The following SYNPO2 variants were observed in gnomAD, a reference collection of about 807,000 sequenced individuals.
The protein encoded by SYNPO2 is synaptopodin 2.
SYNPO2 carries 56 observed loss-of-function variants against 85.0 expected under a neutral mutation model. The ratio of observed to expected loss-of-function variants is 0.66; its 90% confidence interval spans 0.53 to 0.82. The LOEUF (loss-of-function observed/expected upper bound fraction) is 0.82, where lower values mean the gene tolerates loss of function less well. Among genes scored for constraint, SYNPO2 ranks in the 40% least tolerant of loss-of-function variants. The probability of loss-of-function intolerance (pLI) is 0.00; values close to 1 mark genes in which losing one functional copy is unlikely to be tolerated. For synonymous variants in SYNPO2, 602 were observed against 591.1 expected (o/e 1.02, Z -0.27); for missense variants, 1,575 against 1,534.2 (o/e 1.03, Z -0.44).
chr4:118,986,629 GGATTTAGTCTAT>G (rs1322707879), intron 1 of SYNPO2, among the ~76,000 whole-genome samples: 1 of 152,110 alleles, frequency 6.6e-6, no homozygotes, highest in Non-Finnish European at 1.5e-5. Flanking sequence ...ATCTAGTCTA[GGATTTAGTCTAT>G]GATTTAGACT....
chr4:118,948,642 G>C (rs561460337), intron 1 of SYNPO2, among the ~76,000 whole-genome samples: 3 of 152,068 alleles, frequency 2.0e-5, no homozygotes, highest in Non-Finnish European at 4.4e-5. Flanking sequence ...AGGGGAGCAG[G>C]CATCAATTGC....
intron 1 of SYNPO2, among the ~76,000 whole-genome samples, chr4:118,981,714 G>A (rs972268406): frequency 2.0e-5 from 3 of 152,172 alleles, no homozygotes; most frequent in African/African-American, 7.2e-5. Flanking sequence ...CAGGTAGCCA[G>A]TTACTTGGTA....
At chr4:118,921,606 A>T (rs140523249) in intron 1 of SYNPO2, among the ~76,000 whole-genome samples, 4 of 152,250 alleles carry the variant, frequency 2.6e-5, no homozygotes, top group South Asian at 2.1e-4. Context: ...GATAATAATT[A>T]AAAAACCCTT....
chr4:118,940,472 CT>C (rs1441373543), intron 1 of SYNPO2, among the ~76,000 whole-genome samples: 3 of 145,446 alleles, frequency 2.1e-5, no homozygotes, highest in Non-Finnish European at 4.5e-5. Flanking sequence ...TGCCTTACAA[CT>C]TGTGAAAGCA....
intron 1 of SYNPO2, among the ~76,000 whole-genome samples, chr4:118,893,356 T>C (rs923026301): frequency 6.6e-6 from 1 of 152,214 alleles, no homozygotes; most frequent in Admixed American, 6.5e-5. Context: ...GTAGCTTACA[T>C]GTGTCAAGCC....
chr4:118,996,599 C>G (rs1167654193), intron 1 of SYNPO2, among the ~76,000 whole-genome samples: 1 of 151,914 alleles, frequency 6.6e-6, no homozygotes, highest in Non-Finnish European at 1.5e-5. Flanking sequence ...TGCTCACGCC[C>G]GTAATCCCAG....
intron 1 of SYNPO2, among the ~76,000 whole-genome samples, chr4:118,950,754 A>C (rs1483511047): frequency 6.6e-6 from 1 of 152,216 alleles, no homozygotes; most frequent in Non-Finnish European, 1.5e-5. Context: ...TTGGTTAGTG[A>C]GGTCCCACAT....
chr4:118,957,306 A>C (rs1002574321), intron 1 of SYNPO2, among the ~76,000 whole-genome samples: 6 of 152,160 alleles, frequency 3.9e-5, no homozygotes, highest in African/African-American at 1.4e-4. Context: ...TTAAGAGAAG[A>C]GGTAGACTGG....
At chr4:119,017,337 G>A (rs1737559772) in intron 1 of SYNPO2, among the ~76,000 whole-genome samples, 1 of 152,032 alleles carries the variant, frequency 6.6e-6, no homozygotes, top group African/African-American at 2.4e-5. Context: ...ATCTTGCTCT[G>A]CCTCCTCTGA....
At chr4:118,906,130 A>C (rs1002644728) in intron 1 of SYNPO2, among the ~76,000 whole-genome samples, 1 of 152,208 alleles carries the variant, frequency 6.6e-6, no homozygotes, top group Admixed American at 6.5e-5. Flanking sequence ...TTGTTGAATA[A>C]ATGAATGAAT....
At chr4:118,911,016 A>C (rs373667058) in intron 1 of SYNPO2, among the ~76,000 whole-genome samples, 27 of 152,246 alleles carry the variant, frequency 1.8e-4, no homozygotes, top group African/African-American at 6.3e-4. Context: ...ACTTTTCCCC[A>C]TAGAAAATGG....
chr4:118,870,019 T>G (rs1422691242), intron 1 of SYNPO2, among the ~76,000 whole-genome samples: 1 of 152,208 alleles, frequency 6.6e-6, no homozygotes, highest in Non-Finnish European at 1.5e-5. Context: ...GGTGTGAGCA[T>G]TGACTTTCCT....
chr4:118,855,731 G>A (rs114916728), intron 1 of SYNPO2, among the ~76,000 whole-genome samples: 6,266 of 152,198 alleles, frequency 0.041, 198 homozygotes, highest in Non-Finnish European at 0.064. Context: ...GAAACTGATT[G>A]AAGTAGGTGA....
At chr4:118,976,329 G>C (rs985605978) in intron 1 of SYNPO2, among the ~76,000 whole-genome samples, 1 of 152,112 alleles carries the variant, frequency 6.6e-6, no homozygotes, top group Non-Finnish European at 1.5e-5. Flanking sequence ...CGCTGGGCTC[G>C]TGGTCTCAAG....
At chr4:118,884,976 C>T (rs75576380), upstream of SYNPO2, among the ~76,000 whole-genome samples, 171 of 152,268 alleles carry the variant, frequency 1.1e-3, no homozygotes, top group African/African-American at 3.7e-3. Context: ...CCAGGAAGGT[C>T]GGGAAAGTCC....
At chr4:119,050,608 G>C (rs961535818) in intron 4 of SYNPO2, among the ~76,000 whole-genome samples, 1 of 152,096 alleles carries the variant, frequency 6.6e-6, no homozygotes, top group African/African-American at 2.4e-5. Context: ...CATACAATAA[G>C]CAATCTATTA....
At chr4:118,891,562 T>G (rs745499154) in intron 1 of SYNPO2, among the ~76,000 whole-genome samples, 1 of 152,266 alleles carries the variant, frequency 6.6e-6, no homozygotes, top group Non-Finnish European at 1.5e-5. Flanking sequence ...CGCTTATCAC[T>G]TTCTCTGTTA....
chr4:118,889,159 T>G lies in SYNPO2; in HGVS notation c.105+18T>G. ...TTGCAAAGGTAGGACCTGAACGAAG[T>G]GTCACGGCTCTGTGCTAGGAAGGAA... On this transcript the variant is annotated intron_variant, in intron 1 of 4. Coordinates refer to ENST00000307142, the MANE Select transcript of SYNPO2 (RefSeq NM_133477.3). 6.2e-7 allele frequency: 1 copy of G among 1,612,160 alleles called. No homozygotes were observed. Among genetic ancestry groups the G allele is most frequent in the Non-Finnish European group, 8.5e-7 (1 of 1,178,670 alleles).
At position 118,900,663 on chromosome 4, in the gene SYNPO2, TTCTCTCTCTCTCTCTCTC is replaced by T. The variant is rs376467151; in HGVS notation, c.105+11546_105+11563del. The stretch of plus-strand genomic sequence containing the variant: ...TTTGTAATCTTACCCTAGAATCTCT[TTCTCTCTCTCTCTCTCTC>T]TCTCTCTCTCTCTCTCTCTCTCTAT... On this transcript the variant is annotated intron_variant, in intron 1 of 4. Coordinates refer to ENST00000307142, the MANE Select transcript of SYNPO2 (RefSeq NM_133477.3). Among the ~76,000 whole-genome samples the T allele has an allele frequency of 4.2e-3, 329 of 77,562 alleles. 2 individuals carry two copies. Among genetic ancestry groups the T allele is most frequent in the African/African-American group, 0.016 (304 of 18,976 alleles). 50.9% of individuals were successfully genotyped at this position (77,562 alleles called of 152,430 possible). A position where few individuals can be genotyped will look rare whatever the true frequency, so the allele number is the denominator to read the frequency against.
Sources: allele counts gnomAD v4.1 joint callset (sites outside exome capture counted in the v4.1 genomes callset), GRCh38; gene constraint gnomAD v4.1.1; transcripts MANE v1.5; gene names NCBI Gene and HGNC (gene_info 2026-07-23, HGNC 2026-07-21).